STK32C: variants seen among roughly 807,000 people sequenced by gnomAD.
STK32C encodes serine/threonine-protein kinase 32C.
In STK32C, 31 loss-of-function variants were observed where a neutral mutation model predicts 56.5. That is an observed-to-expected ratio of 0.55 (90% confidence interval 0.41 to 0.74). The LOEUF (loss-of-function observed/expected upper bound fraction) is 0.74. Among genes scored for constraint, STK32C ranks in the 30% least tolerant of loss-of-function variants. The pLI, the probability that STK32C is intolerant of heterozygous loss-of-function variation, is 0.00. For missense variants in STK32C, 544 were observed against 676.9 expected (o/e 0.80, Z 2.18); for synonymous variants, 309 against 289.4 (o/e 1.07, Z -0.69).
At chr10:132,213,220 C>A (rs2062369906) in intron 10 of STK32C, among the ~76,000 whole-genome samples, 2 of 152,360 alleles carry the variant, frequency 1.3e-5, no homozygotes, top group South Asian at 4.1e-4. Flanking sequence ...TCAGCCTGTA[C>A]CCCGCTTTAG....
chr10:132,327,932 C>T (rs974512662), intron 1 of STK32C, among the ~76,000 whole-genome samples: 1 of 151,986 alleles, frequency 6.6e-6, no homozygotes, highest in Non-Finnish European at 1.5e-5. Context: ...GAGGGCTGTC[C>T]CTGAAGAGTG....
At chr10:132,236,219 T>G (rs2063287063) in intron 2 of STK32C, among the ~76,000 whole-genome samples, 2 of 152,222 alleles carry the variant, frequency 1.3e-5, no homozygotes, top group Non-Finnish European at 2.9e-5. Context: ...TGGCAGAGCC[T>G]GCGCACGGCC....
chr10:132,266,780 G>A (rs1448220914), intron 1 of STK32C, among the ~76,000 whole-genome samples: 1 of 151,780 alleles, frequency 6.6e-6, no homozygotes, highest in African/African-American at 2.4e-5. Flanking sequence ...TCTCGGGGAG[G>A]AGGGCACTGG....
At position 132,225,318 on chromosome 10, in the gene STK32C, G is replaced by A. The variant is rs752171583; in HGVS notation, c.791C>T (p.Ser264Phe). 2 of 1,611,628 alleles carry A rather than the reference G, an allele frequency of 1.2e-6. No homozygotes were observed. Among genetic ancestry groups the A allele is most frequent in the Non-Finnish European group, 1.7e-6 (2 of 1,179,138 alleles). Reference protein sequence around the residue: ...KPYMAPEIFHSFVNGGTGYSF... With the variant: ...KPYMAPEIFHFFVNGGTGYSF... ...GTAGCCGGTCCCGCCGTTGACAAAA[G>A]AGTGGAAGATCTCCGGAGCTTTCCG... Residue 264 changes from serine (S) to phenylalanine (F), a missense_variant, in exon 7 of 12, where the codon TCT becomes TTT. By Grantham distance (155) the Ser-to-Phe change is radical. Coordinates refer to ENST00000298630, the MANE Select transcript of STK32C (RefSeq NM_173575.4).
chr10:132,313,937 G>A (rs2066267795), intron 1 of STK32C, among the ~76,000 whole-genome samples: 2 of 152,186 alleles, frequency 1.3e-5, no homozygotes, highest in African/African-American at 4.8e-5. Context: ...AACCACTGCT[G>A]GGAGGATAAG....
At chr10:132,330,380 C>G (rs1047873544) in intron 1 of STK32C, 4 of 708,392 alleles carry the variant, frequency 5.6e-6, no homozygotes, top group African/African-American at 5.3e-5. Context: ...CCATCCCCTT[C>G]GCCACTCACG....
At chr10:132,280,702 A>C (rs67669707) in intron 1 of STK32C, among the ~76,000 whole-genome samples, 93,583 of 144,042 alleles carry the variant, frequency 0.65, 31,320 homozygotes, top group African/African-American at 0.86. Context: ...CGTGATCATG[A>C]ACCTCCACTC....
At chr10:132,234,644 T>C (rs138098983) in intron 2 of STK32C, among the ~76,000 whole-genome samples, 1 of 152,084 alleles carries the variant, frequency 6.6e-6, no homozygotes, top group Non-Finnish European at 1.5e-5. Flanking sequence ...CCCTCCTGCT[T>C]GGGGAGTGGT....
chr10:132,283,039 G>T (rs992169019), intron 1 of STK32C, among the ~76,000 whole-genome samples: 20 of 152,224 alleles, frequency 1.3e-4, no homozygotes, highest in Non-Finnish European at 1.9e-4. Context: ...CACCAAGGCG[G>T]ACCCCACTCC....
At chr10:132,234,421 G>A (rs1156297935) in intron 2 of STK32C, among the ~76,000 whole-genome samples, 1 of 152,160 alleles carries the variant, frequency 6.6e-6, no homozygotes, top group Non-Finnish European at 1.5e-5. Flanking sequence ...CCTCCAGCAG[G>A]TTTGCCCACT....
chr10:132,307,867 C>T lies in STK32C; in HGVS notation c.-34G>A. On this transcript the variant is annotated 5_prime_UTR_variant, in exon 1 of 12. Coordinates refer to ENST00000298630, the MANE Select transcript of STK32C (RefSeq NM_173575.4). The surrounding 1 kb of genome is among the most constrained non-coding windows in gnomAD (Gnocchi z 4.4). ...CTGGGTGCGCGCGGCAGCCGGAACT[C>T]GGGGCATGGCCGGCCGGCAGGGCCG... 1 of 1,142,556 alleles carries T rather than the reference C, an allele frequency of 8.8e-7. No homozygotes were observed. Among genetic ancestry groups the T allele is most frequent in the Non-Finnish European group, 1.1e-6 (1 of 924,420 alleles). The allele number at this position is 1,142,556 out of a possible 1,614,324, so 70.8% of individuals were successfully genotyped here.
chr10:132,228,915 C>T (rs552589924), intron 2 of STK32C, among the ~76,000 whole-genome samples: 19 of 152,340 alleles, frequency 1.2e-4, no homozygotes, highest in African/African-American at 3.6e-4. Flanking sequence ...GGACCCCCTC[C>T]GGGGCGCCAG....
chr10:132,263,623 A>C (rs2064380414), intron 1 of STK32C, among the ~76,000 whole-genome samples: 2 of 151,986 alleles, frequency 1.3e-5, no homozygotes, highest in African/African-American at 4.8e-5. Context: ...TTTGGGAGGC[A>C]GAGGCAGGTG....
At chr10:132,257,152 G>T (rs1002314760) in intron 1 of STK32C, among the ~76,000 whole-genome samples, 1 of 152,156 alleles carries the variant, frequency 6.6e-6, no homozygotes, top group African/African-American at 2.4e-5. Context: ...GGGTCCTCAG[G>T]GGGGTGAGGC....
intron 1 of STK32C, among the ~76,000 whole-genome samples, chr10:132,250,081 G>A (rs947083812): frequency 6.6e-6 from 1 of 152,260 alleles, no homozygotes; most frequent in African/African-American, 2.4e-5. Flanking sequence ...CCAGGAGCCG[G>A]TGTCTACGGA....
intron 1 of STK32C, among the ~76,000 whole-genome samples, chr10:132,252,528 C>G (rs1212909512): frequency 6.6e-5 from 10 of 152,264 alleles, no homozygotes. Flanking sequence ...AAAGGAGAAG[C>G]AGACGCAGCT....
At chr10:132,239,054 A>C (rs2063405868) in intron 2 of STK32C, among the ~76,000 whole-genome samples, 1 of 152,218 alleles carries the variant, frequency 6.6e-6, no homozygotes, top group Admixed American at 6.5e-5. Flanking sequence ...CAAGGGAGGA[A>C]GATCACACTG....
At chr10:132,213,192 T>C (rs2062368888) in intron 10 of STK32C, among the ~76,000 whole-genome samples, 1 of 152,242 alleles carries the variant, frequency 6.6e-6, no homozygotes, top group Admixed American at 6.5e-5. Context: ...CTTATCTCAC[T>C]TGGGGGAGGA....
At chr10:132,241,932 C>T (rs1164019005) in intron 2 of STK32C, among the ~76,000 whole-genome samples, 3 of 152,234 alleles carry the variant, frequency 2.0e-5, no homozygotes, top group East Asian at 1.9e-4. Context: ...CATAGCGAAA[C>T]CCTGTCTCTA....
Sources: allele counts gnomAD v4.1 joint callset (sites outside exome capture counted in the v4.1 genomes callset), GRCh38; gene constraint gnomAD v4.1.1; non-coding constraint Gnocchi (gnomAD v3.1); transcripts MANE v1.5; gene names NCBI Gene and HGNC (gene_info 2026-07-23, HGNC 2026-07-21).